ACSM1: variants seen among roughly 807,000 people sequenced by gnomAD.
ACSM1 encodes acyl-coenzyme A synthetase ACSM1, mitochondrial.
ACSM1 carries 79 observed loss-of-function variants against 75.8 expected under a neutral mutation model. That is an observed-to-expected ratio of 1.04 (90% confidence interval 0.87 to 1.26). The LOEUF is 1.26. Ranked by LOEUF, ACSM1 falls within the 50% of genes most tolerant of loss-of-function variation. The pLI is 0.00. For synonymous variants in ACSM1, 279 were observed against 265.8 expected, an observed-to-expected ratio of 1.05 and a Z score of -0.48; for missense variants, 676 against 720.1, an observed-to-expected ratio of 0.94 and a Z score of 0.70.
chr16:20,643,809 G>A (rs1482115103), intron 7 of ACSM1, among the ~76,000 whole-genome samples: 1 of 152,098 alleles, frequency 6.6e-6, no homozygotes, highest in East Asian at 1.9e-4. Flanking sequence ...CATTTTTACA[G>A]AGTGCTGACT....
intron 4 of ACSM1, among the ~76,000 whole-genome samples, chr16:20,675,156 A>G (rs1183615927): frequency 4.6e-5 from 7 of 152,082 alleles, no homozygotes; most frequent in Admixed American, 4.6e-4. Flanking sequence ...GTCCTGGGGT[A>G]GAAGTGGTGT....
intron 10 of ACSM1, among the ~76,000 whole-genome samples, chr16:20,628,154 G>A (rs1197760417): frequency 2.0e-5 from 3 of 151,844 alleles, no homozygotes; most frequent in Non-Finnish European, 2.9e-5. Flanking sequence ...TGGATGGCAT[G>A]TAGTTATAAA....
At chr16:20,652,946 A>G (rs944005157) in intron 7 of ACSM1, among the ~76,000 whole-genome samples, 1 of 152,130 alleles carries the variant, frequency 6.6e-6, no homozygotes, top group Non-Finnish European at 1.5e-5. Context: ...CAGAGACACA[A>G]CCAAAAAAGA....
intron 8 of ACSM1, among the ~76,000 whole-genome samples, chr16:20,639,890 G>A (rs560413484): frequency 6.6e-6 from 1 of 152,268 alleles, no homozygotes; most frequent in East Asian, 1.9e-4. Flanking sequence ...AGTCAAACCT[G>A]CCTCTCATTT....
chr16:20,639,365 G>A (rs1436814445), intron 8 of ACSM1, among the ~76,000 whole-genome samples: 2 of 152,270 alleles, frequency 1.3e-5, no homozygotes, highest in South Asian at 2.1e-4. Flanking sequence ...AGTCAAACCT[G>A]CGAGTTGTCC....
intron 7 of ACSM1, among the ~76,000 whole-genome samples, chr16:20,644,269 A>T (rs995020343): frequency 2.0e-5 from 3 of 152,240 alleles, no homozygotes; most frequent in African/African-American, 7.2e-5. Context: ...ATAACTTAGA[A>T]GAAACCTAAT....
At chr16:20,695,702 T>G (rs1406574476) in intron 1 of ACSM1, among the ~76,000 whole-genome samples, 1 of 152,024 alleles carries the variant, frequency 6.6e-6, no homozygotes, top group Non-Finnish European at 1.5e-5. Flanking sequence ...TATCTATCTA[T>G]CTAGATATAT....
rs1041118525 is a variant in ACSM1 at position 20,648,169 on chromosome 16, A to T, written c.993-7585T>A. On this transcript the variant is annotated intron_variant, in intron 7 of 13. Coordinates refer to ENST00000520010, the MANE Select transcript of ACSM1 (RefSeq NM_001318890.3). This position sits in a 1 kb window ranked among gnomAD's most constrained non-coding sequence, Gnocchi z 4.2. ...ACCCCAACATTTCTATGCCTTTCTC[A>T]TATCCAGGAGAGACTGAGAATCTGA... Among the ~76,000 whole-genome samples, 1 of 152,196 alleles carries T rather than the reference A, an allele frequency of 6.6e-6. No homozygotes were observed. The highest frequency in any genetic ancestry group is 6.5e-5 in the Admixed American group (1 of 15,270).
At chr16:20,678,250 C>T (rs1000577566) in intron 4 of ACSM1, among the ~76,000 whole-genome samples, 1 of 151,622 alleles carries the variant, frequency 6.6e-6, no homozygotes, top group African/African-American at 2.4e-5. Context: ...CGGTGGCCCC[C>T]AGATTTGTAA....
intron 12 of ACSM1, 136 bp downstream of exon 12, chr16:20,625,287 T>TG (rs964687891): frequency 1.3e-6 from 1 of 777,540 alleles, no homozygotes; most frequent in Non-Finnish European, 2.1e-6. Flanking sequence ...CACTGTCCCC[T>TG]GGTGCCATAC....
chr16:20,639,546 G>A (rs2017926016), intron 8 of ACSM1, among the ~76,000 whole-genome samples: 1 of 152,120 alleles, frequency 6.6e-6, no homozygotes, highest in African/African-American at 2.4e-5. Flanking sequence ...ATGATAACAG[G>A]GACAGTGTGA....
At chr16:20,651,662 A>G (rs2018653398) in intron 7 of ACSM1, among the ~76,000 whole-genome samples, 1 of 151,942 alleles carries the variant, frequency 6.6e-6, no homozygotes, top group Non-Finnish European at 1.5e-5. Flanking sequence ...TACTATATAT[A>G]TACACACAAA....
chr16:20,689,677 A>G (rs570212466), intron 2 of ACSM1, among the ~76,000 whole-genome samples: 60 of 152,340 alleles, frequency 3.9e-4, no homozygotes, highest in African/African-American at 1.3e-3. Context: ...TTGCATTTAT[A>G]TTACTCAAAT....
Position 20,637,384 on chromosome 16 carries a change from G to C in ACSM1, c.1184C>G (p.Pro395Arg). The C allele has an allele frequency of 6.2e-7, 1 of 1,614,086 alleles. No homozygotes were observed. The highest frequency in any genetic ancestry group is 8.5e-7 in the Non-Finnish European group (1 of 1,179,980). ...TTAGGACCAGACCTGGACGTCGTAG[G>C]GTGGAGTGGCCTTCCCCATGAAACC... ...KPGFMGKATP[P>R]YDVQVIDDKG... is the part of the protein sequence containing the mutation. The change falls in exon 9 of 14, where the codon CCC (proline) becomes CGC (arginine). Residue 395 changes from proline (P) to arginine (R), a missense_variant. Coordinates refer to ENST00000520010, the MANE Select transcript of ACSM1 (RefSeq NM_001318890.3).
intron 3 of ACSM1, among the ~76,000 whole-genome samples, 185 bp downstream of exon 3, chr16:20,685,008 G>T (rs1038285404): frequency 1.3e-5 from 2 of 152,192 alleles, no homozygotes; most frequent in Non-Finnish European, 2.9e-5. Context: ...AAATTGTTTT[G>T]TCTCTAATTA....
At chr16:20,626,805 G>C (rs3913150) in intron 11 of ACSM1, among the ~76,000 whole-genome samples, 1 of 151,880 alleles carries the variant, frequency 6.6e-6, no homozygotes, top group South Asian at 2.1e-4. Context: ...ATAGCTAAAG[G>C]TTAGCTATTA....
At chr16:20,669,430 T>C (rs1435758628) in intron 6 of ACSM1, among the ~76,000 whole-genome samples, 2 of 141,498 alleles carry the variant, frequency 1.4e-5, no homozygotes, top group Non-Finnish European at 3.0e-5. Context: ...TTTTATCATA[T>C]TGAGTAAGAA....
rs141690447 is a variant in ACSM1, at chr16:20,691,005, T to G, written c.184A>C (p.Lys62Gln). 1.9e-6 allele frequency: 3 copies of G among 1,609,508 alleles called. No homozygotes were observed. In the African/African-American group the frequency reaches 4.0e-5, roughly 22 times the overall value. ...CACGGCAGATCTCTTACCTTCTCCT[T>G]TTGAGCCCAGTAGTCCAGTACATAA... ...ASYVLDYWAQ[K>Q]EKEGKRGPNP... The change falls in exon 2 of 14, where the codon AAG (lysine) becomes CAG (glutamine). Residue 62 changes from lysine (K) to glutamine (Q), a missense_variant. Lys to Gln is a moderately conservative substitution (Grantham distance 53, BLOSUM62 1). Coordinates refer to ENST00000520010, the MANE Select transcript of ACSM1 (RefSeq NM_001318890.3).
At chr16:20,683,569 C>T (rs1438513877) in intron 3 of ACSM1, among the ~76,000 whole-genome samples, 1 of 151,616 alleles carries the variant, frequency 6.6e-6, no homozygotes, top group Non-Finnish European at 1.5e-5. Context: ...GGCCATGCCT[C>T]ACCCCATGCT....
Sources: allele counts gnomAD v4.1 joint callset (sites outside exome capture counted in the v4.1 genomes callset), GRCh38; gene constraint gnomAD v4.1.1; non-coding constraint Gnocchi (gnomAD v3.1); transcripts MANE v1.5; gene names NCBI Gene and HGNC (gene_info 2026-07-23, HGNC 2026-07-21).